Variants in CDK8 observed in about 807,000 individuals in gnomAD.
The protein encoded by CDK8 is cyclin-dependent kinase 8.
CDK8 carries 29 observed loss-of-function variants against 71.5 expected under a neutral mutation model. That is an observed-to-expected ratio of 0.41 (90% confidence interval 0.30 to 0.55). The LOEUF (loss-of-function observed/expected upper bound fraction) is 0.55, where lower values mean the gene tolerates loss of function less well. Ranked by LOEUF, CDK8 falls within the 20% of genes least tolerant of loss-of-function variation. CDK8 has a pLI of 0.37. For missense variants in CDK8, 288 were observed against 572.6 expected (o/e 0.50, Z 5.07); for synonymous variants, 161 against 192.1 (o/e 0.84, Z 1.34).
chr13:26,333,006 A>G (rs1027535520), intron 1 of CDK8, among the ~76,000 whole-genome samples: 1 of 152,184 alleles, frequency 6.6e-6, no homozygotes, highest in African/African-American at 2.4e-5. Context: ...ATTTCATGTG[A>G]CAGGCCGTAG....
intron 3 of CDK8, among the ~76,000 whole-genome samples, chr13:26,350,917 A>G (rs1333651558): frequency 1.3e-5 from 2 of 152,134 alleles, no homozygotes; most frequent in Non-Finnish European, 2.9e-5. Flanking sequence ...GGTAACTATA[A>G]AATTTGCTCT....
intron 1 of CDK8, among the ~76,000 whole-genome samples, chr13:26,298,821 T>C (rs1470656805): frequency 1.3e-5 from 2 of 152,194 alleles, no homozygotes; most frequent in African/African-American, 4.8e-5. Flanking sequence ...TCCGGTAGTG[T>C]TAATAGACTT....
intron 1 of CDK8, among the ~76,000 whole-genome samples, chr13:26,295,739 G>T (rs1298698256): frequency 1.3e-5 from 2 of 152,132 alleles, no homozygotes; most frequent in African/African-American, 4.8e-5. Flanking sequence ...AATATAGATA[G>T]TATGTGATTG....
At chr13:26,391,288 T>A (rs1370970729) in intron 6 of CDK8, among the ~76,000 whole-genome samples, 1 of 152,150 alleles carries the variant, frequency 6.6e-6, no homozygotes, top group African/African-American at 2.4e-5. Flanking sequence ...ACATTTTTTC[T>A]GTGAAATAGG....
At chr13:26,391,458 T>G (rs1875742709) in intron 6 of CDK8, among the ~76,000 whole-genome samples, 1 of 151,962 alleles carries the variant, frequency 6.6e-6, no homozygotes, top group African/African-American at 2.4e-5. Context: ...TCATCTTCCT[T>G]TACATATTTT....
rs3027999 is a variant in CDK8 at position 26,268,256 on chromosome 13, A to AACACACACACACACACAC, written c.128+13523_128+13540dup. Among the ~76,000 whole-genome samples, 26 of 116,788 alleles carry AACACACACACACACACAC rather than the reference A, an allele frequency of 2.2e-4. 1 individual carries two copies. Among genetic ancestry groups the AACACACACACACACACAC allele is most frequent in the African/African-American group, 8.1e-4 (23 of 28,238 alleles). The allele number at this position is 116,788 out of a possible 152,430, so 76.6% of individuals were successfully genotyped here. Reference sequence around the variant, plus strand: ...TGAAAGTTTTGCTCCCCCCTCCCCCAACACACACACACACACACACACACA... The same window carrying AACACACACACACACACAC: ...TGAAAGTTTTGCTCCCCCCTCCCCCAACACACACACACACACACACACACACACACACACACACACACA... On this transcript the variant is annotated intron_variant, in intron 1 of 12. Coordinates refer to ENST00000381527, the MANE Select transcript of CDK8 (RefSeq NM_001260.3).
At chr13:26,333,200 C>G (rs965897461) in intron 1 of CDK8, among the ~76,000 whole-genome samples, 1 of 151,674 alleles carries the variant, frequency 6.6e-6, no homozygotes. Context: ...AGTGCAATGG[C>G]GCAATCCTGG....
intron 5 of CDK8, among the ~76,000 whole-genome samples, chr13:26,383,706 CAT>C (rs1233347406): frequency 8.5e-5 from 13 of 152,320 alleles, no homozygotes; most frequent in Non-Finnish European, 1.3e-4. Context: ...CAAAGAAACA[CAT>C]GTGTGTTCTT....
chr13:26,322,890 TG>T (rs937778167), intron 1 of CDK8, among the ~76,000 whole-genome samples: 10 of 152,226 alleles, frequency 6.6e-5, no homozygotes, highest in Admixed American at 6.5e-4. Flanking sequence ...TATATATCTT[TG>T]GCATTTGCCA....
At chr13:26,395,447 C>T (rs1277062947) in intron 7 of CDK8, among the ~76,000 whole-genome samples, 3 of 150,260 alleles carry the variant, frequency 2.0e-5, no homozygotes, top group Non-Finnish European at 4.4e-5. Flanking sequence ...CGCACCATTG[C>T]ACTCCGGCCT....
intron 4 of CDK8, among the ~76,000 whole-genome samples, chr13:26,363,327 C>CAAAAGAAAAAAAAAAA (rs1874235134): frequency 2.2e-5 from 1 of 45,240 alleles, no homozygotes; most frequent in African/African-American, 1.0e-4. Context: ...GACTCCATCT[C>CAAAAGAAAAAAAAAAA]AAAAAAAAAA....
rs1364482792 is a variant in CDK8 at position 26,349,059 on chromosome 13, C to T, written c.205-13C>T. 1 of 1,484,990 alleles carries T rather than the reference C, an allele frequency of 6.7e-7. No individual in the cohort carries two copies. The highest frequency in any genetic ancestry group is 1.1e-5 in the South Asian group (1 of 88,036). 92.0% of individuals were successfully genotyped at this position (1,484,990 alleles called of 1,614,324 possible). ...GTGACAGAAATAGTTAATGCATCTC[C>T]TTTGTTTTGCAGTTACTTCGAGAGC... On this transcript the variant is annotated splice_polypyrimidine_tract_variant and intron_variant, in intron 2 of 12. Transcript: ENST00000381527.
At chr13:26,268,419 C>T (rs1179999338) in intron 1 of CDK8, among the ~76,000 whole-genome samples, 3 of 152,066 alleles carry the variant, frequency 2.0e-5, no homozygotes, top group Admixed American at 1.3e-4. Flanking sequence ...GGGCTTAACC[C>T]ATTCTCCCAC....
intron 1 of CDK8, among the ~76,000 whole-genome samples, chr13:26,323,346 G>A (rs865888515): frequency 3.3e-4 from 47 of 140,504 alleles, no homozygotes; most frequent in African/African-American, 8.8e-4. Flanking sequence ...AGAGGGAGAG[G>A]GAGAGGGAGA....
intron 1 of CDK8, among the ~76,000 whole-genome samples, chr13:26,275,404 A>G (rs954566207): frequency 6.6e-6 from 1 of 152,202 alleles, no homozygotes; most frequent in Non-Finnish European, 1.5e-5. Flanking sequence ...TTCAGATTTT[A>G]TCTTAAGAAC....
intron 1 of CDK8, among the ~76,000 whole-genome samples, chr13:26,292,445 A>C (rs1361277187): frequency 6.6e-6 from 1 of 152,222 alleles, no homozygotes; most frequent in Non-Finnish European, 1.5e-5. Flanking sequence ...GCTTACCATC[A>C]CCCAGTATTC....
At chr13:26,347,901 G>A (rs984849164) in intron 2 of CDK8, among the ~76,000 whole-genome samples, 8 of 152,116 alleles carry the variant, frequency 5.3e-5, no homozygotes, top group African/African-American at 1.9e-4. Flanking sequence ...GTTAAACACA[G>A]AGCAATCATT....
chr13:26,351,991 T>TA (rs1040999276), intron 3 of CDK8, among the ~76,000 whole-genome samples: 47 of 152,146 alleles, frequency 3.1e-4, no homozygotes, highest in African/African-American at 7.2e-4. Flanking sequence ...AAAACATTGG[T>TA]AAAAAAAGTC....
At chr13:26,265,237 C>T (rs940713050) in intron 1 of CDK8, among the ~76,000 whole-genome samples, 5 of 152,152 alleles carry the variant, frequency 3.3e-5, no homozygotes, top group African/African-American at 1.2e-4. Context: ...GGTGATTCAG[C>T]AGTGAACAGC....
Sources: allele counts gnomAD v4.1 joint callset (sites outside exome capture counted in the v4.1 genomes callset), GRCh38; gene constraint gnomAD v4.1.1; transcripts MANE v1.5; gene names NCBI Gene and HGNC (gene_info 2026-07-23, HGNC 2026-07-21).